Variants in COL6A5 observed in about 807,000 individuals in gnomAD.
The protein encoded by COL6A5 is collagen alpha-5(VI) chain.
A neutral mutation model predicts 65.6 loss-of-function variants in COL6A5; 48 were observed. That is an observed-to-expected ratio of 0.73 (90% confidence interval 0.58 to 0.93). COL6A5 has a LOEUF of 0.93. Among genes scored for constraint, COL6A5 ranks in the 40% least tolerant of loss-of-function variants. COL6A5 has a pLI of 0.00. For missense variants in COL6A5, 914 were observed against 928.3 expected (o/e 0.98, Z 0.20); for synonymous variants, 291 against 322.8 (o/e 0.90, Z 1.05).
intron 1 of COL6A5, among the ~76,000 whole-genome samples, chr3:130,352,970 A>G (rs367544032): frequency 2.0e-5 from 3 of 152,312 alleles, no homozygotes; most frequent in East Asian, 3.8e-4. Flanking sequence ...AGAAATTGTA[A>G]AGATAAAAAA....
chr3:130,463,818 C>T (rs1709753190), intron 5 of COL6A5, among the ~76,000 whole-genome samples: 1 of 151,984 alleles, frequency 6.6e-6, no homozygotes, highest in African/African-American at 2.4e-5. Context: ...ATTTAGACTC[C>T]AAGTAGAATA....
exon 8 of COL6A5, chr3:130,395,149 T>G (rs1936548899): frequency 6.4e-7 from 1 of 1,551,700 alleles, no homozygotes; most frequent in East Asian, 2.4e-5. Flanking sequence ...TTCCAAGAAT[T>G]GACTTTGCCC....
At chr3:130,409,271 A>G (rs917739664) in intron 17 of COL6A5, 55 bp from the exon 18 acceptor site, 2 of 1,381,090 alleles carry the variant, frequency 1.4e-6, no homozygotes, top group African/African-American at 2.9e-5. Flanking sequence ...CACACTTAAC[A>G]CCATTATACA....
chr3:130,357,653 T>A (rs1334591597), intron 1 of COL6A5, among the ~76,000 whole-genome samples: 2 of 152,326 alleles, frequency 1.3e-5, no homozygotes, highest in Non-Finnish European at 2.9e-5. Flanking sequence ...TCAATATTAA[T>A]AACTCTATTC....
chr3:130,415,173 A>G (rs1398498965), intron 22 of COL6A5, among the ~76,000 whole-genome samples: 2 of 152,082 alleles, frequency 1.3e-5, no homozygotes, highest in Non-Finnish European at 1.5e-5. Flanking sequence ...CCGCATGAGA[A>G]CCACGTGTTT....
intron 6 of COL6A5, 45 bp downstream of exon 38, chr3:130,469,526 G>A (rs753500098): frequency 4.7e-6 from 7 of 1,476,228 alleles, no homozygotes; most frequent in Non-Finnish European, 6.5e-6. Flanking sequence ...TAGATTTAAT[G>A]TTTCTGTGTA....
chr3:130,416,632 G>A lies in COL6A5; in HGVS notation c.4825-125G>A. ...TCTGCTTCTCTCCTCCTGGGTGGCTGGATCTTTTGTTAAGGCTGCATCAAG... is the reference window on the plus strand; with the variant it reads ...TCTGCTTCTCTCCTCCTGGGTGGCTAGATCTTTTGTTAAGGCTGCATCAAG... On this transcript the variant is annotated intron_variant and NMD_transcript_variant, in intron 23 of 41. Coordinates refer to the COL6A5 transcript ENST00000312481. 3.0e-6 allele frequency: 2 copies of A among 664,972 alleles called. 1 individual carries two copies. Among genetic ancestry groups the A allele is most frequent in the South Asian group, 3.6e-5 (2 of 55,492 alleles). 41.2% of individuals were successfully genotyped at this position (664,972 alleles called of 1,614,324 possible). A position where few individuals can be genotyped will look rare whatever the true frequency, so the allele number is the denominator to read the frequency against.
At chr3:130,366,009 G>A (rs1481621627) in intron 1 of COL6A5, among the ~76,000 whole-genome samples, 3 of 152,172 alleles carry the variant, frequency 2.0e-5, no homozygotes, top group Non-Finnish European at 2.9e-5. Context: ...AATGAGGCAC[G>A]CAACCAGACC....
chr3:130,376,303 C>T, exon 3 of COL6A5: 1 of 1,613,536 alleles, frequency 6.2e-7, no homozygotes, highest in African/African-American at 1.3e-5. Context: ...GGACCTAAGT[C>T]ATTCCCATTC....
At chr3:130,446,132 G>A (rs536546939) in intron 4 of COL6A5, among the ~76,000 whole-genome samples, 4 of 152,226 alleles carry the variant, frequency 2.6e-5, no homozygotes, top group South Asian at 2.1e-4. Flanking sequence ...GTGCATGTCC[G>A]AGGCACAGAG....
intron 7 of COL6A5, among the ~76,000 whole-genome samples, chr3:130,392,805 C>T (rs1464205520): frequency 1.3e-5 from 2 of 152,292 alleles, no homozygotes; most frequent in African/African-American, 4.8e-5. Flanking sequence ...ACCACCATAG[C>T]TTTACCTTAC....
intron 10 of COL6A5, among the ~76,000 whole-genome samples, chr3:130,400,264 T>A (rs1439551489): frequency 6.6e-6 from 1 of 152,218 alleles, no homozygotes; most frequent in African/African-American, 2.4e-5. Flanking sequence ...GAGCTTCTCC[T>A]CTAGGCTGTC....
At chr3:130,399,498 G>A (rs530142326) in intron 10 of COL6A5, among the ~76,000 whole-genome samples, 1 of 151,314 alleles carries the variant, frequency 6.6e-6, no homozygotes, top group Non-Finnish European at 1.5e-5. Context: ...AGCCTCTGGA[G>A]TATCTGGGAC....
intron 6 of COL6A5, among the ~76,000 whole-genome samples, chr3:130,470,556 T>TAAAAA (rs1559920041): frequency 1.3e-5 from 2 of 151,970 alleles, no homozygotes; most frequent in African/African-American, 4.8e-5. Context: ...AAACATTTTT[T>TAAAAA]AAAAAATAGT....
At chr3:130,410,267 GAT>G (rs965270592) in intron 19 of COL6A5, among the ~76,000 whole-genome samples, 193 bp downstream of exon 19, 1 of 115,486 alleles carries the variant, frequency 8.7e-6, no homozygotes, top group Admixed American at 8.8e-5. Context: ...TCTGGCAAGT[GAT>G]ATTATTTTGG....
chr3:130,345,865 G>A (rs1240922684), exon 1 of COL6A5: 1 of 398,548 alleles, frequency 2.5e-6, no homozygotes, highest in Non-Finnish European at 4.4e-6. Flanking sequence ...ATCCAACTGC[G>A]CCGCGGGCGC....
chr3:130,419,071 C>T (rs913740778), intron 25 of COL6A5, 140 bp downstream of exon 25: 2 of 690,042 alleles, frequency 2.9e-6, no homozygotes, highest in Non-Finnish European at 5.1e-6. Context: ...GAACATTTCT[C>T]CCACCCCCTA....
In COL6A5 at chr3:130,431,963, T is replaced by C; in HGVS notation, c.487+14T>C. ...GAAGCTTTTGGGGTAAGAATTTCTC[T>C]TGGCAACTTCTTTAATTTTAAGATA... On this transcript the variant is annotated intron_variant, in intron 1 of 7. Transcript: ENST00000512836. The C allele has an allele frequency of 2.6e-6, 4 of 1,545,888 alleles. No individual in the cohort carries two copies. Among genetic ancestry groups the C allele is most frequent in the Non-Finnish European group, 3.5e-6 (4 of 1,143,112 alleles).
chr3:130,461,255 A>G (rs1169710239), intron 5 of COL6A5, among the ~76,000 whole-genome samples: 2 of 151,964 alleles, frequency 1.3e-5, no homozygotes, highest in Non-Finnish European at 2.9e-5. Flanking sequence ...GTTAAAAAAA[A>G]GTGGCATGCT....
Sources: allele counts gnomAD v4.1 joint callset (sites outside exome capture counted in the v4.1 genomes callset), GRCh38; gene constraint gnomAD v4.1.1; transcripts MANE v1.5; gene names NCBI Gene and HGNC (gene_info 2026-07-23, HGNC 2026-07-21).